The following RASAL2 variants were observed in gnomAD, a reference collection of about 807,000 sequenced individuals.
RASAL2 encodes the protein ras GTPase-activating protein nGAP.
Under a neutral mutation model 128.9 loss-of-function variants are expected in RASAL2, and 58 were observed. The ratio of observed to expected loss-of-function variants is 0.45; its 90% CI spans 0.36 to 0.56. RASAL2 has a LOEUF of 0.56. RASAL2 is among the 20% of genes least tolerant of loss of function. The pLI, the probability that RASAL2 is intolerant of heterozygous loss-of-function variation, is 0.00. For missense variants in RASAL2, 1,360 were observed against 1,601.6 expected, an observed-to-expected ratio of 0.85 and a Z score of 2.57; for synonymous variants, 561 against 580.8, an observed-to-expected ratio of 0.97 and a Z score of 0.49.
At chr1:178,284,758 A>G (rs1403593846) in intron 2 of RASAL2, among the ~76,000 whole-genome samples, 1 of 152,228 alleles carries the variant, frequency 6.6e-6, no homozygotes, top group Non-Finnish European at 1.5e-5. Flanking sequence ...TGAATATAAT[A>G]TTGACAAAGA....
chr1:178,150,877 A>T (rs1660890541), intron 1 of RASAL2, among the ~76,000 whole-genome samples: 1 of 152,102 alleles, frequency 6.6e-6, no homozygotes, highest in African/African-American at 2.4e-5. Context: ...TTATACTGTA[A>T]ATAAGCATCC....
At chr1:178,271,521 C>T (rs1666257766) in intron 1 of RASAL2, among the ~76,000 whole-genome samples, 1 of 152,078 alleles carries the variant, frequency 6.6e-6, no homozygotes, top group Admixed American at 6.5e-5. Context: ...GGAGCAATTC[C>T]AGTTTTTTTT....
intron 10 of RASAL2, among the ~76,000 whole-genome samples, chr1:178,452,083 G>A (rs1262004286): frequency 1.3e-5 from 2 of 152,170 alleles, no homozygotes; most frequent in East Asian, 1.9e-4. Context: ...AATTTTGGAA[G>A]ATTTTTGATA....
intron 1 of RASAL2, among the ~76,000 whole-genome samples, chr1:178,133,518 C>A (rs888437881): frequency 3.4e-5 from 5 of 148,078 alleles, no homozygotes; most frequent in Non-Finnish European, 7.4e-5. Context: ...CTTTGTTTTG[C>A]GGTAAGGAGT....
chr1:178,113,495 GGCAT>G (rs763944668), intron 1 of RASAL2, among the ~76,000 whole-genome samples: 7 of 133,470 alleles, frequency 5.2e-5, no homozygotes, highest in Non-Finnish European at 9.7e-5. Context: ...TATGTGTGTG[GGCAT>G]GCATGCCTGC....
In RASAL2 at chr1:178,439,552, C is replaced by T. The variant is rs767882915; in HGVS notation, c.805C>T (p.Leu269Phe). 6.2e-7 allele frequency: 1 copy of T among 1,611,728 alleles called. No individual in the cohort carries two copies. Among genetic ancestry groups the T allele is most frequent in the South Asian group, 1.1e-5 (1 of 90,690 alleles). ...AGTGAAACCACTTCATAGTAGCATC[C>T]TTGGACAAGACTTCTGCTTTGAGGT... The part of the protein sequence containing the change: ...VSVKPLHSSI[L>F]GQDFCFEVTY... The change falls in exon 6 of 18, where the codon CTT (leucine) becomes TTT (phenylalanine). Residue 269 changes from leucine to phenylalanine, a missense_variant. Leu to Phe is a conservative substitution (Grantham distance 22). Around this residue, in one of 3 missense-constraint regions of RASAL2, gnomAD observed 617 missense variants for 714.2 expected, o/e 0.86. Transcript: ENST00000367649.
At chr1:178,298,732 C>T (rs1333129547) in intron 2 of RASAL2, among the ~76,000 whole-genome samples, 1 of 152,056 alleles carries the variant, frequency 6.6e-6, no homozygotes, top group Admixed American at 6.6e-5. Flanking sequence ...ATTAGACTTG[C>T]ACATGTAAGA....
At chr1:178,235,593 C>CGT (rs1235792837) in intron 1 of RASAL2, among the ~76,000 whole-genome samples, 1 of 151,272 alleles carries the variant, frequency 6.6e-6, no homozygotes, top group African/African-American at 2.4e-5. Context: ...CTAAGTGCTT[C>CGT]GTGTGCGTGT....
At chr1:178,198,847 C>T (rs952459721) in intron 1 of RASAL2, among the ~76,000 whole-genome samples, 2 of 152,172 alleles carry the variant, frequency 1.3e-5, no homozygotes, top group Non-Finnish European at 2.9e-5. Flanking sequence ...CTGCTCTCTT[C>T]AGAGCTGTCA....
At chr1:178,336,518 T>C (rs1448873625) in intron 3 of RASAL2, among the ~76,000 whole-genome samples, 3 of 152,072 alleles carry the variant, frequency 2.0e-5, no homozygotes, top group Non-Finnish European at 4.4e-5. Context: ...ATGAGAAAAA[T>C]GGACTAATGC....
At chr1:178,315,284 T>A (rs1282613105) in intron 3 of RASAL2, among the ~76,000 whole-genome samples, 1 of 148,218 alleles carries the variant, frequency 6.7e-6, no homozygotes. Context: ...GCATGATTTA[T>A]AGTCATTTGG....
At chr1:178,390,871 T>C (rs929682537) in intron 4 of RASAL2, among the ~76,000 whole-genome samples, 2 of 146,966 alleles carry the variant, frequency 1.4e-5, no homozygotes, top group Non-Finnish European at 3.0e-5. Context: ...TGGTGGCAGG[T>C]TTTTTTTTTA....
intron 1 of RASAL2, among the ~76,000 whole-genome samples, chr1:178,210,083 AT>A (rs1203709123): frequency 1.3e-5 from 2 of 151,452 alleles, no homozygotes; most frequent in African/African-American, 4.9e-5. Flanking sequence ...TTACTCTTCT[AT>A]TTTTATATTT....
intron 1 of RASAL2, among the ~76,000 whole-genome samples, chr1:178,250,196 T>C (rs1571705476): frequency 1.3e-5 from 2 of 152,166 alleles, no homozygotes; most frequent in Admixed American, 6.5e-5. Flanking sequence ...TCCCCCAGGG[T>C]GCTCTGTCCC....
intron 2 of RASAL2, among the ~76,000 whole-genome samples, chr1:178,290,155 G>A (rs1481020355): frequency 1.3e-5 from 2 of 152,158 alleles, no homozygotes; most frequent in African/African-American, 4.8e-5. Flanking sequence ...AAGCTTTTGA[G>A]CAAAGATTTT....
At chr1:178,301,928 A>G (rs968532345) in intron 3 of RASAL2, among the ~76,000 whole-genome samples, 9 of 152,198 alleles carry the variant, frequency 5.9e-5, no homozygotes, top group Non-Finnish European at 1.3e-4. Context: ...AAAGGTGACA[A>G]AAGTGTCTGG....
chr1:178,435,300 A>G (rs1676184216), intron 5 of RASAL2, among the ~76,000 whole-genome samples: 1 of 152,176 alleles, frequency 6.6e-6, no homozygotes, highest in African/African-American at 2.4e-5. Flanking sequence ...GAAATGTGGC[A>G]TTCTGAAAAA....
At chr1:178,464,831 G>GTTTTTTTTTTTT (rs986789340) in intron 15 of RASAL2, among the ~76,000 whole-genome samples, 45 of 38,204 alleles carry the variant, frequency 1.2e-3, no homozygotes, top group African/African-American at 1.5e-3. Flanking sequence ...GGTTTTAGTT[G>GTTTTTTTTTTTT]TTTTTTTTTT....
chr1:178,197,246 A>G (rs912756579), intron 1 of RASAL2, among the ~76,000 whole-genome samples: 2 of 152,148 alleles, frequency 1.3e-5, no homozygotes, highest in Non-Finnish European at 2.9e-5. Flanking sequence ...TCACGATGTC[A>G]GGAGTTTGAG....
Sources: gnomAD v4.1 joint callset for allele counts (sites outside exome capture counted in the v4.1 genomes callset) on GRCh38, gnomAD v4.1.1 for gene constraint, gnomAD v4.1.1 regional missense constraint, MANE v1.5 for transcripts, NCBI Gene and HGNC (gene_info 2026-07-23, HGNC 2026-07-21) for gene names.